Variants in TMPRSS15 observed in about 807,000 individuals in gnomAD.
TMPRSS15 encodes enteropeptidase.
In TMPRSS15, 128 loss-of-function variants were observed where a neutral mutation model predicts 125.3. The observed-to-expected ratio is 1.02, with a 90% CI of 0.89 to 1.18. The LOEUF (loss-of-function observed/expected upper bound fraction) is 1.18, where lower values mean the gene tolerates loss of function less well. Ranked by LOEUF, TMPRSS15 falls within the 50% of genes most tolerant of loss-of-function variation. TMPRSS15 has a pLI of 0.00. For missense variants in TMPRSS15, 1,283 were observed against 1,212.7 expected, an observed-to-expected ratio of 1.06 and a Z score of -0.86; for synonymous variants, 446 against 423.2, an observed-to-expected ratio of 1.05 and a Z score of -0.66.
At chr21:18,301,826 C>T (rs923479786) in intron 18 of TMPRSS15, among the ~76,000 whole-genome samples, 1 of 152,088 alleles carries the variant, frequency 6.6e-6, no homozygotes, top group South Asian at 2.1e-4. Flanking sequence ...TATATAACCT[C>T]AAAGAGCTCT....
At chr21:18,366,135 G>T (rs1174435526) in intron 6 of TMPRSS15, among the ~76,000 whole-genome samples, 1 of 152,130 alleles carries the variant, frequency 6.6e-6, no homozygotes, top group Non-Finnish European at 1.5e-5. Context: ...AAAACTGCCA[G>T]TTCAGACAAA....
chr21:18,279,135 T>G (rs1249602276), intron 22 of TMPRSS15, 76 bp from the exon 23 acceptor site: 1 of 823,400 alleles, frequency 1.2e-6, no homozygotes, highest in Non-Finnish European at 2.0e-6. Context: ...TTCTAACAAG[T>G]TTTAAAAATC....
At chr21:18,395,126 G>A (rs2076023100) in intron 3 of TMPRSS15, among the ~76,000 whole-genome samples, 1 of 152,134 alleles carries the variant, frequency 6.6e-6, no homozygotes, top group Admixed American at 6.5e-5. Context: ...GGCTTGCGTG[G>A]AAAAAGGTCT....
At chr21:18,426,143 C>G (rs748568999) in intron 1 of TMPRSS15, among the ~76,000 whole-genome samples, 2 of 152,140 alleles carry the variant, frequency 1.3e-5, no homozygotes, top group Non-Finnish European at 2.9e-5. Context: ...TATTTAGCAA[C>G]TATACACAAC....
At chr21:18,285,533 T>C (rs774075960) in intron 21 of TMPRSS15, among the ~76,000 whole-genome samples, 19 of 152,248 alleles carry the variant, frequency 1.2e-4, no homozygotes, top group Non-Finnish European at 1.9e-4. Context: ...TTTTGGTCTC[T>C]ATTTTTATTC....
At chr21:18,386,519 G>T (rs2075945362) in intron 3 of TMPRSS15, among the ~76,000 whole-genome samples, 1 of 152,154 alleles carries the variant, frequency 6.6e-6, no homozygotes, top group African/African-American at 2.4e-5. Context: ...AGAAGGGAAA[G>T]ATATTTATTT....
At chr21:18,296,050 G>A (rs953931840) in intron 19 of TMPRSS15, among the ~76,000 whole-genome samples, 3 of 152,180 alleles carry the variant, frequency 2.0e-5, no homozygotes, top group South Asian at 4.1e-4. Flanking sequence ...CTACTTGGGA[G>A]GCTGAGGCAG....
chr21:18,468,711 C>G (rs889162388), intron 1 of TMPRSS15, among the ~76,000 whole-genome samples: 2 of 152,014 alleles, frequency 1.3e-5, no homozygotes, highest in Admixed American at 1.3e-4. Context: ...TTTTCTTTAC[C>G]CACACCCAAT....
At chr21:18,443,554 G>C (rs1426698820) in intron 1 of TMPRSS15, among the ~76,000 whole-genome samples, 1 of 152,218 alleles carries the variant, frequency 6.6e-6, no homozygotes, top group Admixed American at 6.5e-5. Context: ...GACAACTCTT[G>C]ATTCCAAGGG....
chr21:18,429,425 C>T (rs547914870), intron 1 of TMPRSS15, among the ~76,000 whole-genome samples: 3 of 152,238 alleles, frequency 2.0e-5, no homozygotes, highest in Admixed American at 6.5e-5. Flanking sequence ...TCTGTGTCCC[C>T]ACCCAAATCT....
intron 17 of TMPRSS15, among the ~76,000 whole-genome samples, chr21:18,314,497 T>C (rs574358152): frequency 6.6e-6 from 1 of 152,188 alleles, no homozygotes; most frequent in Admixed American, 6.5e-5. Context: ...AGGCTGGTCA[T>C]GAACTCCTGA....
intron 1 of TMPRSS15, among the ~76,000 whole-genome samples, chr21:18,450,155 T>C (rs1168738442): frequency 6.6e-6 from 1 of 152,210 alleles, no homozygotes; most frequent in Non-Finnish European, 1.5e-5. Flanking sequence ...TTATCTTATA[T>C]ACAAGGCAAA....
chr21:18,327,363 T>C (rs959674840), intron 15 of TMPRSS15, among the ~76,000 whole-genome samples: 7 of 152,336 alleles, frequency 4.6e-5, no homozygotes, highest in Admixed American at 2.0e-4. Flanking sequence ...GAAAAACTAT[T>C]TAAAATTTTT....
intron 1 of TMPRSS15, among the ~76,000 whole-genome samples, chr21:18,435,615 G>A (rs545727542): frequency 1.3e-4 from 20 of 152,238 alleles, no homozygotes; most frequent in Admixed American, 1.0e-3. Flanking sequence ...GTCTCTGCCT[G>A]GCTTTGGTAT....
At chr21:18,392,723 G>C (rs995957480) in intron 3 of TMPRSS15, among the ~76,000 whole-genome samples, 15 of 152,144 alleles carry the variant, frequency 9.9e-5, no homozygotes, top group African/African-American at 3.6e-4. Context: ...TATAAAGGAA[G>C]GAAGTTTAAT....
At chr21:18,477,250 A>G (rs1978898346) in intron 1 of TMPRSS15, 1 of 152,106 alleles carries the variant, frequency 6.6e-6, no homozygotes, top group South Asian at 2.1e-4. Context: ...AAGTACTCTA[A>G]TGTTTGAGAA....
intron 1 of TMPRSS15, among the ~76,000 whole-genome samples, chr21:18,445,286 T>C (rs144219687): frequency 1.6e-4 from 24 of 151,796 alleles, no homozygotes; most frequent in African/African-American, 5.8e-4. Context: ...GTTCAAGTGA[T>C]TACCCTGCCT....
chr21:18,294,390 C>T lies in TMPRSS15; in HGVS notation c.2366G>A (p.Ser789Asn). The change falls in exon 21 of 25, where the codon AGT becomes AAT. Residue 789 changes from serine (S) to asparagine (N), a missense_variant. Ser to Asn is a conservative substitution (Grantham distance 46). Coordinates refer to ENST00000284885, the MANE Select transcript of TMPRSS15 (RefSeq NM_002772.3). ...QDITPKIVGG[S>N]NAKEGAWPWV... ...GGGCCAGGCCCCTTCTTTGGCATTA[C>T]TTCCTCCAACAATCTTTGGGGTGAT... 1.2e-6 allele frequency: 2 copies of T among 1,614,254 alleles called. No individual in the cohort carries two copies. Among genetic ancestry groups the T allele is most frequent in the Non-Finnish European group, 1.7e-6 (2 of 1,180,036 alleles).
At chr21:18,418,578 C>A (rs978113395) in intron 1 of TMPRSS15, among the ~76,000 whole-genome samples, 2 of 152,260 alleles carry the variant, frequency 1.3e-5, no homozygotes, top group East Asian at 1.9e-4. Flanking sequence ...GTTACCCCCC[C>A]AATCATCTTT....
Sources: allele counts gnomAD v4.1 joint callset (sites outside exome capture counted in the v4.1 genomes callset), GRCh38; gene constraint gnomAD v4.1.1; transcripts MANE v1.5; gene names NCBI Gene and HGNC (gene_info 2026-07-23, HGNC 2026-07-21).